IGLON5: variants seen among roughly 807,000 people sequenced by gnomAD.
The protein encoded by IGLON5 is Ig-like domain-containing protein ENSP00000270642.
IGLON5 carries 16 observed loss-of-function variants against 38.2 expected under a neutral mutation model. The observed-to-expected ratio is 0.42, with a 90% confidence interval of 0.28 to 0.64. IGLON5 has a LOEUF of 0.64. Ranked by LOEUF, IGLON5 falls within the 30% of genes least tolerant of loss-of-function variation. The pLI, the probability that IGLON5 is intolerant of heterozygous loss-of-function variation, is 0.23. For missense variants in IGLON5, 366 were observed against 483.4 expected (o/e 0.76, Z 2.28); for synonymous variants, 207 against 216.4 (o/e 0.96, Z 0.38).
chr19:51,317,258 T>G (rs542479354), intron 1 of IGLON5, among the ~76,000 whole-genome samples: 2 of 152,280 alleles, frequency 1.3e-5, no homozygotes, highest in African/African-American at 4.8e-5. Flanking sequence ...ACACCTCCCT[T>G]GCCACAGGCC....
At chr19:51,320,302 T>C (rs1190988470) in intron 1 of IGLON5, among the ~76,000 whole-genome samples, 8 of 152,160 alleles carry the variant, frequency 5.3e-5, no homozygotes, top group Non-Finnish European at 1.2e-4. Context: ...GGGCTGCTGA[T>C]GGAGAGGGCC....
At chr19:51,312,010 G>T (rs930038702) in intron 1 of IGLON5, 84 bp downstream of exon 1, 1 of 737,012 alleles carries the variant, frequency 1.4e-6, no homozygotes, top group Non-Finnish European at 1.8e-6. Context: ...TGGGGGTCGA[G>T]GGCTGCATCC....
At chr19:51,315,078 TC>T (rs1984884399) in intron 1 of IGLON5, among the ~76,000 whole-genome samples, 1 of 152,208 alleles carries the variant, frequency 6.6e-6, no homozygotes, top group Non-Finnish European at 1.5e-5. Flanking sequence ...CCATAAATAT[TC>T]ATCTATCTTC....
Position 51,327,803 on chromosome 19 carries a change from A to G in IGLON5, c.839A>G (p.Asn280Ser), listed in dbSNP as rs1249711192. ...ERTRSMLLFA[N>S]VSARHYGNYT... Reference sequence around the variant, plus strand: ...ACCCGCTCGATGCTTCTCTTTGCCAACGTGAGCGCCCGGCATTACGGCAAC... The same window carrying G: ...ACCCGCTCGATGCTTCTCTTTGCCAGCGTGAGCGCCCGGCATTACGGCAAC... Residue 280 changes from asparagine to serine, a missense_variant, in exon 7 of 8, where the codon AAC (asparagine) becomes AGC (serine). Coordinates refer to ENST00000270642, the MANE Select transcript of IGLON5 (RefSeq NM_001101372.3). This position sits in a 1 kb window ranked among gnomAD's most constrained non-coding sequence, Gnocchi z 7.1. 4 of 1,564,602 alleles carry G rather than the reference A, an allele frequency of 2.6e-6. No individual in the cohort carries two copies. The highest frequency in any genetic ancestry group is 2.3e-4 in the Middle Eastern group (1 of 4,398).
At chr19:51,314,097 G>T (rs1984851307) in intron 1 of IGLON5, among the ~76,000 whole-genome samples, 1 of 150,678 alleles carries the variant, frequency 6.6e-6, no homozygotes, top group Non-Finnish European at 1.5e-5. Flanking sequence ...CCCTGATCCT[G>T]TACCCTTTGT....
chr19:51,322,979 G>A (rs778558304), intron 2 of IGLON5, among the ~76,000 whole-genome samples: 2 of 137,998 alleles, frequency 1.4e-5, no homozygotes, highest in Non-Finnish European at 3.1e-5. Context: ...CTCTCTCTGG[G>A]TCTCTGTCTC....
chr19:51,311,702 C>CA lies in IGLON5; in HGVS notation c.-146_-145insA, dbSNP rs1344295041. The CA allele has an allele frequency of 7.5e-6, 1 of 133,124 alleles. No homozygotes were observed. Among genetic ancestry groups the CA allele is most frequent in the Non-Finnish European group, 1.5e-5 (1 of 64,624 alleles). The allele number at this position is 133,124 out of a possible 1,614,324, so 8.2% of individuals were successfully genotyped here. On this transcript the variant is annotated 5_prime_UTR_variant, in exon 1 of 8. Coordinates refer to ENST00000270642, the MANE Select transcript of IGLON5 (RefSeq NM_001101372.3). ...GCTCCAGCCGCCTCGTCGCGCCCCC[C>CA]CAGCCCCCTCCCCCCGCCCCCGCCG...
At chr19:51,314,224 G>GC (rs61170605) in intron 1 of IGLON5, among the ~76,000 whole-genome samples, 149,124 of 149,126 alleles carry the variant, frequency 1, 74,561 homozygotes, top group Non-Finnish European at 1. Context: ...TACTCTTGCT[G>GC]CCAGGCTGGA....
intron 1 of IGLON5, 94 bp from the exon 2 acceptor site, chr19:51,321,970 T>A: frequency 9.7e-7 from 1 of 1,027,842 alleles, no homozygotes; most frequent in Non-Finnish European, 1.5e-6. Flanking sequence ...GACGTCTGTG[T>A]CCACAAGGAC....
intron 1 of IGLON5, among the ~76,000 whole-genome samples, chr19:51,321,806 T>C (rs1003881382): frequency 2.0e-5 from 3 of 152,366 alleles, no homozygotes; most frequent in East Asian, 1.9e-4. Flanking sequence ...CATGGGAAGA[T>C]ACATGTTGCA....
rs529411919 is a variant in IGLON5 at position 51,319,396 on chromosome 19, C to T, written c.80-2668C>T. On this transcript the variant is annotated intron_variant, in intron 1 of 7. Transcript: ENST00000270642. ...GATTCTCGGCCCAGCGTGGCCCCTT[C>T]GTGCTTGAGGGGATGTGACAGTGTT... Among the ~76,000 whole-genome samples, 10 of 152,006 alleles carry T rather than the reference C, an allele frequency of 6.6e-5. No homozygotes were observed. The East Asian group carries it at 7.8e-4, about 12-fold the overall frequency.
At chr19:51,326,696 G>A in intron 4 of IGLON5, 68 bp from the exon 5 acceptor site, 2 of 1,129,366 alleles carry the variant, frequency 1.8e-6, no homozygotes, top group African/African-American at 3.3e-5. Context: ...TGTCCGTGTT[G>A]TGCCCGTGTT....
rs1424005155 is a variant in IGLON5 at position 51,311,976 on chromosome 19, G to T, written c.79+50G>T. The T allele has an allele frequency of 3.6e-6, 4 of 1,097,952 alleles. No individual in the cohort carries two copies. The African/African-American group carries it at 6.6e-5, about 18-fold the overall frequency. 68.0% of individuals were successfully genotyped at this position (1,097,952 alleles called of 1,614,324 possible). ...GCTCGGCCGGGACGCCAGGGTCTTGGGTGGGTAATCGGGGGATCAGGGGTG... is the reference window on the plus strand; with the variant it reads ...GCTCGGCCGGGACGCCAGGGTCTTGTGTGGGTAATCGGGGGATCAGGGGTG... On this transcript the variant is annotated intron_variant, in intron 1 of 7. Coordinates refer to ENST00000270642, the MANE Select transcript of IGLON5 (RefSeq NM_001101372.3).
chr19:51,327,286 C>G lies in IGLON5; in HGVS notation c.767+86C>G. The G allele has an allele frequency of 6.6e-7, 1 of 1,506,088 alleles. No homozygotes were observed. The highest frequency in any genetic ancestry group is 9.0e-7 in the Non-Finnish European group (1 of 1,117,048). The allele number at this position is 1,506,088 out of a possible 1,614,324, so 93.3% of individuals were successfully genotyped here. ...TGTGAGGCAGGGGGACGGAGCGGGG[C>G]GGGGGAAGGCAGCAGAGCTCTGGGT... On this transcript the variant is annotated intron_variant, in intron 6 of 7. Transcript: ENST00000270642. The surrounding 1 kb of genome is among the most constrained non-coding windows in gnomAD (Gnocchi z 7.1).
chr19:51,316,835 C>G (rs1190532783), intron 1 of IGLON5, among the ~76,000 whole-genome samples: 1 of 152,082 alleles, frequency 6.6e-6, no homozygotes, highest in African/African-American at 2.4e-5. Flanking sequence ...GGAGGACCCT[C>G]CTGGGGACTC....
intron 2 of IGLON5, among the ~76,000 whole-genome samples, 184 bp from the exon 3 acceptor site, chr19:51,323,476 TCA>T (rs1464405881): frequency 1.3e-5 from 2 of 152,208 alleles, no homozygotes; most frequent in Non-Finnish European, 2.9e-5. Context: ...GCAGTTGGGC[TCA>T]CAGCTTTCCC....
In IGLON5 at chr19:51,325,189, G is replaced by A. The variant is rs561028304; in HGVS notation, c.392-157G>A. Among the ~76,000 whole-genome samples, 2 of 150,998 alleles carry A rather than the reference G, an allele frequency of 1.3e-5. No homozygotes were observed. Among genetic ancestry groups the A allele is most frequent in the Non-Finnish European group, 3.0e-5 (2 of 67,778 alleles). On this transcript the variant is annotated intron_variant, in intron 3 of 7. Transcript: ENST00000270642. This position sits in a 1 kb window ranked among gnomAD's most constrained non-coding sequence, Gnocchi z 5.5. ...CTGAGGGAAGAGGAACTGCGGGTCT[G>A]AACTCCCGGGTCTGAGGGAGGAGGG...
chr19:51,316,003 C>T (rs1297997869), intron 1 of IGLON5, among the ~76,000 whole-genome samples: 2 of 151,548 alleles, frequency 1.3e-5, no homozygotes, highest in African/African-American at 4.8e-5. Flanking sequence ...CGGAAGTCAA[C>T]CTTTCAAAGT....
In IGLON5 at chr19:51,325,407, C is replaced by T. The variant is rs1985190435; in HGVS notation, c.453C>T (p.Asn151=). The T allele has an allele frequency of 6.2e-7, 1 of 1,613,850 alleles. No homozygotes were observed. The highest frequency in any genetic ancestry group is 8.5e-7 in the Non-Finnish European group (1 of 1,179,794). ...PVTVNEGGNV[N]LLCLAVGRPE... Reference sequence around the variant, plus strand: ...CGGTGAATGAGGGGGGCAATGTGAACCTGCTTTGCCTGGCCGTGGGGCGGC... The same window carrying T: ...CGGTGAATGAGGGGGGCAATGTGAATCTGCTTTGCCTGGCCGTGGGGCGGC... Residue 151 remains asparagine, a synonymous_variant, in exon 4 of 8, where the codon AAC becomes AAT. Transcript: ENST00000270642. The surrounding 1 kb of genome is among the most constrained non-coding windows in gnomAD (Gnocchi z 5.5).
Sources: allele counts gnomAD v4.1 joint callset (sites outside exome capture counted in the v4.1 genomes callset), GRCh38; gene constraint gnomAD v4.1.1; non-coding constraint Gnocchi (gnomAD v3.1); transcripts MANE v1.5; gene names NCBI Gene and HGNC (gene_info 2026-07-23, HGNC 2026-07-21).